TASP1: variants seen among roughly 807,000 people sequenced by gnomAD.
The protein encoded by TASP1 is taspase 1.
TASP1 carries 16 observed loss-of-function variants against 56.6 expected under a neutral mutation model. The observed-to-expected ratio is 0.28, with a 90% CI of 0.19 to 0.43. The LOEUF (loss-of-function observed/expected upper bound fraction) is 0.43, where lower values mean the gene tolerates loss of function less well. TASP1 is among the 20% of genes least tolerant of loss of function. TASP1 has a pLI of 1.00. For synonymous variants in TASP1, 179 were observed against 184.2 expected, an observed-to-expected ratio of 0.97 and a Z score of 0.23; for missense variants, 393 against 511.6, an observed-to-expected ratio of 0.77 and a Z score of 2.24.
At chr20:13,386,612 AAC>A (rs2041164631), downstream of TASP1, among the ~76,000 whole-genome samples, 1 of 152,014 alleles carries the variant, frequency 6.6e-6, no homozygotes, top group South Asian at 2.1e-4. Flanking sequence ...CCAGTGTCAA[AAC>A]AGAGTGACCT....
At chr20:13,602,481 CTGCTAATTAAGA>C (rs2047999690) in intron 4 of TASP1, among the ~76,000 whole-genome samples, 1 of 152,116 alleles carries the variant, frequency 6.6e-6, no homozygotes, top group Admixed American at 6.5e-5. Context: ...ACAAATGTAC[CTGCTAATTAAGA>C]TGCTAATTAG....
At chr20:13,407,558 T>C (rs1292072732) in intron 13 of TASP1, among the ~76,000 whole-genome samples, 1 of 152,346 alleles carries the variant, frequency 6.6e-6, no homozygotes, top group East Asian at 1.9e-4. Context: ...AGTTTTCATG[T>C]GGACCTATCT....
chr20:13,460,019 C>T (rs542977242), intron 11 of TASP1, among the ~76,000 whole-genome samples: 2 of 152,286 alleles, frequency 1.3e-5, no homozygotes, highest in South Asian at 4.1e-4. Context: ...CCATTATCTT[C>T]TTCAAGAAAG....
At chr20:13,429,106 C>T (rs1460477123) in intron 12 of TASP1, among the ~76,000 whole-genome samples, 1 of 152,144 alleles carries the variant, frequency 6.6e-6, no homozygotes, top group Non-Finnish European at 1.5e-5. Flanking sequence ...TTATTCCTCT[C>T]AAATAACTGA....
At chr20:13,529,725 T>C (rs188454377) in intron 9 of TASP1, among the ~76,000 whole-genome samples, 1 of 152,306 alleles carries the variant, frequency 6.6e-6, no homozygotes, top group African/African-American at 2.4e-5. Flanking sequence ...AGTACTGATA[T>C]TTTCTAAGAG....
chr20:13,496,544 G>A (rs1160214643), intron 10 of TASP1, among the ~76,000 whole-genome samples: 1 of 151,152 alleles, frequency 6.6e-6, no homozygotes. Flanking sequence ...GGGTCTCTGG[G>A]TCTCATAAAA....
chr20:13,607,473 T>C (rs1479941929), intron 4 of TASP1, among the ~76,000 whole-genome samples: 2 of 152,236 alleles, frequency 1.3e-5, no homozygotes, highest in Non-Finnish European at 2.9e-5. Flanking sequence ...TTATGAGACC[T>C]CTATTAACAG....
At position 13,559,084 on chromosome 20, in the gene TASP1, T is replaced by G; in HGVS notation, c.599A>C (p.Lys200Thr). The G allele has an allele frequency of 6.3e-7, 1 of 1,585,640 alleles. No homozygotes were observed. Among genetic ancestry groups the G allele is most frequent in the Non-Finnish European group, 8.6e-7 (1 of 1,165,258 alleles). The change falls in exon 8 of 14, where the codon AAG becomes ACG. Residue 200 changes from lysine to threonine, a missense_variant. This residue lies in a region of TASP1 where 293 missense variants were observed against 354.2 expected (regional missense o/e 0.83). Transcript: ENST00000337743. ...CCTTTCTGCCAGCTCTAGTTTCCTCTTGTTTCTTTTAAATGCAGCTAAACT... is the reference window on the plus strand; with the variant it reads ...CCTTTCTGCCAGCTCTAGTTTCCTCGTGTTTCTTTTAAATGCAGCTAAACT... The part of the protein sequence containing the change: ...RFSLAAFKRN[K>T]RKLELAERVD...
In TASP1 at chr20:13,563,111, T is replaced by A. The variant is rs140507313; in HGVS notation, c.569-3997A>T. Among the ~76,000 whole-genome samples the A allele has an allele frequency of 3.8e-4, 57 of 150,970 alleles. No homozygotes were observed. In the East Asian group the frequency reaches 9.2e-3, roughly 24 times the overall value. On this transcript the variant is annotated intron_variant, in intron 7 of 13. Coordinates refer to ENST00000337743, the MANE Select transcript of TASP1 (RefSeq NM_017714.3). ...TATAATTTTTTTGAGACAATGTATATATGCATATATATGTACACACACATA... is the reference window on the plus strand; with the variant it reads ...TATAATTTTTTTGAGACAATGTATAAATGCATATATATGTACACACACATA...
intron 5 of TASP1, among the ~76,000 whole-genome samples, chr20:13,585,816 A>T (rs1601344207): frequency 6.6e-6 from 1 of 152,336 alleles, no homozygotes; most frequent in Admixed American, 6.5e-5. Flanking sequence ...ATTAAAACAA[A>T]ATATATATGC....
chr20:13,631,995 T>G (rs2073074320), intron 1 of TASP1, among the ~76,000 whole-genome samples: 1 of 151,710 alleles, frequency 6.6e-6, no homozygotes, highest in African/African-American at 2.4e-5. Flanking sequence ...GAGGTTGCCT[T>G]GAGCTGCGAT....
intron 11 of TASP1, among the ~76,000 whole-genome samples, chr20:13,435,909 A>C (rs2042985988): frequency 6.6e-6 from 1 of 152,144 alleles, no homozygotes; most frequent in Non-Finnish European, 1.5e-5. Context: ...CTTCTGCTTA[A>C]ACTTACTATA....
the TASP1 span, among the ~76,000 whole-genome samples, chr20:13,229,140 C>T: frequency 6.9e-6 from 1 of 145,244 alleles, no homozygotes; most frequent in African/African-American, 2.6e-5. Context: ...CTTCTCTTCT[C>T]TCTCTCTCTC....
At chr20:13,337,667 A>G in the TASP1 span, among the ~76,000 whole-genome samples, 2 of 152,196 alleles carry the variant, frequency 1.3e-5, no homozygotes, top group East Asian at 3.8e-4. Flanking sequence ...GGTGGTAACC[A>G]TATTATTTCA....
chr20:13,209,091 G>A, the TASP1 span, among the ~76,000 whole-genome samples: 1 of 152,138 alleles, frequency 6.6e-6, no homozygotes, highest in Non-Finnish European at 1.5e-5. Flanking sequence ...CTCTTGGAGT[G>A]TCCACTGTCT....
At chr20:13,190,455 A>G in the TASP1 span, among the ~76,000 whole-genome samples, 1 of 152,208 alleles carries the variant, frequency 6.6e-6, no homozygotes, top group African/African-American at 2.4e-5. Flanking sequence ...AATTTCCAAC[A>G]AAGGTACCAA....
chr20:13,625,201 T>C lies in TASP1; in HGVS notation c.197A>G (p.Lys66Arg), dbSNP rs747421305. Reference sequence around the variant, plus strand: ...TGTTCATACCTTCTGACAAGCTCGTTTGCATACATGTTTATACTCCTTGGC... The same window carrying C: ...TGTTCATACCTTCTGACAAGCTCGTCTGCATACATGTTTATACTCCTTGGC... The part of the protein sequence containing the change: ...SKAKEYKHVC[K>R]RACQKAIEKL... The change falls in exon 3 of 14, where the codon AAA becomes AGA. Residue 66 changes from lysine (K) to arginine (R), a missense_variant. Around this residue, in one of 3 missense-constraint regions of TASP1, gnomAD observed 48 missense variants for 106.2 expected, o/e 0.45. Transcript: ENST00000337743. The C allele has an allele frequency of 1.2e-6, 2 of 1,610,810 alleles. No homozygotes were observed. The highest frequency in any genetic ancestry group is 4.5e-5 in the East Asian group (2 of 44,762).
chr20:13,422,445 A>C (rs780765999), intron 12 of TASP1, among the ~76,000 whole-genome samples: 1 of 152,072 alleles, frequency 6.6e-6, no homozygotes, highest in Non-Finnish European at 1.5e-5. Context: ...CTGCATATAT[A>C]GATGTTACTT....
chr20:13,115,987 T>C, the TASP1 span, among the ~76,000 whole-genome samples: 1 of 152,180 alleles, frequency 6.6e-6, no homozygotes, highest in Non-Finnish European at 1.5e-5. Context: ...AAGCAATTAA[T>C]TTAAGAACAT....
Sources: gnomAD v4.1 joint callset for allele counts (sites outside exome capture counted in the v4.1 genomes callset) on GRCh38, gnomAD v4.1.1 for gene constraint, gnomAD v4.1.1 regional missense constraint, MANE v1.5 for transcripts, NCBI Gene and HGNC (gene_info 2026-07-23, HGNC 2026-07-21) for gene names.